Variants in XPNPEP3 observed in about 807,000 individuals in gnomAD.
XPNPEP3 encodes xaa-Pro aminopeptidase 3.
A neutral mutation model predicts 60.0 loss-of-function variants in XPNPEP3; 41 were observed. That is an observed-to-expected ratio of 0.68 (90% CI 0.53 to 0.89). The LOEUF is 0.89. Among genes scored for constraint, XPNPEP3 ranks in the 40% least tolerant of loss-of-function variants. XPNPEP3 has a pLI of 0.00. For missense variants in XPNPEP3, 598 were observed against 638.9 expected (o/e 0.94, Z 0.69); for synonymous variants, 212 against 223.2 (o/e 0.95, Z 0.45).
At chr22:40,859,762 G>A (rs2057930435) in intron 1 of XPNPEP3, 1 of 151,976 alleles carries the variant, frequency 6.6e-6, no homozygotes, top group South Asian at 2.1e-4. Flanking sequence ...TTTGTATTTG[G>A]CCAAAGTTGA....
intron 3 of XPNPEP3, 109 bp downstream of exon 3, chr22:40,882,286 AC>A: frequency 8.8e-7 from 1 of 1,136,176 alleles, no homozygotes; most frequent in Non-Finnish European, 1.3e-6. Context: ...CCATGAAAAG[AC>A]CATGAGCACC....
intron 5 of XPNPEP3, among the ~76,000 whole-genome samples, chr22:40,908,418 T>C (rs1209759576): frequency 6.6e-6 from 1 of 152,048 alleles, no homozygotes; most frequent in Non-Finnish European, 1.5e-5. Flanking sequence ...CTCTGGAGGT[T>C]GAGGTGGGTG....
chr22:40,868,492 G>A (rs2057989842), intron 1 of XPNPEP3, among the ~76,000 whole-genome samples: 1 of 151,940 alleles, frequency 6.6e-6, no homozygotes, highest in African/African-American at 2.4e-5. Context: ...ATGTCTCTGA[G>A]GGTAAAGATC....
chr22:40,878,830 T>G (rs557330039), intron 2 of XPNPEP3, among the ~76,000 whole-genome samples: 9 of 152,126 alleles, frequency 5.9e-5, no homozygotes, highest in Non-Finnish European at 1.0e-4. Context: ...TCAGGTGATC[T>G]GCCTGCCTCG....
intron 6 of XPNPEP3, 66 bp downstream of exon 6, chr22:40,909,301 C>G: frequency 8.6e-7 from 1 of 1,159,176 alleles, no homozygotes; most frequent in South Asian, 1.2e-5. Flanking sequence ...ACCTGCTAAC[C>G]TCATGTCCTC....
chr22:40,886,350 C>T lies in XPNPEP3; in HGVS notation c.627C>T (p.Pro209=). The change falls in exon 4 of 10, where the codon CCC becomes CCT. Residue 209 remains proline, a synonymous_variant. Transcript: ENST00000357137. ...TGGTTTGGTATGACTGGATGAGGCC[C>T]TCACATGCACAGCTTCACTCTGACT... ...TNMVWYDWMR[P]SHAQLHSDYM... is the part of the protein sequence containing the mutation. 6.2e-7 allele frequency: 1 copy of T among 1,614,136 alleles called. No individual in the cohort carries two copies. The highest frequency in any genetic ancestry group is 1.7e-4 in the Middle Eastern group (1 of 6,058).
At chr22:40,860,513 G>A in intron 1 of XPNPEP3, 1 of 609,988 alleles carries the variant, frequency 1.6e-6, no homozygotes, top group Non-Finnish European at 2.5e-6. Context: ...GAACCTGTGT[G>A]TCTTGATACA....
intron 4 of XPNPEP3, among the ~76,000 whole-genome samples, chr22:40,894,268 C>A (rs1027008063): frequency 6.6e-6 from 1 of 152,136 alleles, no homozygotes; most frequent in Non-Finnish European, 1.5e-5. Context: ...GAATATTATT[C>A]TCTTGCTTTA....
Position 40,857,160 on chromosome 22 carries a change from C to G in XPNPEP3, c.-22C>G. ...CCCCGTCGTTACCCTCTTTCTCTTCCCGACGCGTGAGTTAGGCCGTAATGC... is the reference window on the plus strand; with the variant it reads ...CCCCGTCGTTACCCTCTTTCTCTTCGCGACGCGTGAGTTAGGCCGTAATGC... On this transcript the variant is annotated 5_prime_UTR_variant, in exon 1 of 10. Transcript: ENST00000357137. The G allele has an allele frequency of 1.9e-6, 3 of 1,613,992 alleles. No individual in the cohort carries two copies. The highest frequency in any genetic ancestry group is 2.5e-6 in the Non-Finnish European group (3 of 1,179,948).
At chr22:40,924,535 T>A (rs972666899) in intron 9 of XPNPEP3, 53 bp downstream of exon 9, 187 of 1,608,808 alleles carry the variant, frequency 1.2e-4, no homozygotes, top group Non-Finnish European at 1.4e-4. Context: ...TTTGTTTGTT[T>A]GTTTTTGAGA....
At chr22:40,880,518 A>G (rs2058043229) in intron 2 of XPNPEP3, among the ~76,000 whole-genome samples, 1 of 150,634 alleles carries the variant, frequency 6.6e-6, no homozygotes, top group African/African-American at 2.4e-5. Context: ...AACCTGGGCA[A>G]GGTGTTGATG....
chr22:40,881,683 C>G (rs1205660378), intron 2 of XPNPEP3, 87 bp from the exon 3 acceptor site: 1 of 1,464,308 alleles, frequency 6.8e-7, no homozygotes, highest in Non-Finnish European at 9.5e-7. Flanking sequence ...AACAATTGGA[C>G]TTGAGTATTT....
chr22:40,909,022 A>T, intron 5 of XPNPEP3, 100 bp from the exon 6 acceptor site: 1 of 892,556 alleles, frequency 1.1e-6, no homozygotes, highest in Non-Finnish European at 1.9e-6. Flanking sequence ...GTAATGACTT[A>T]AGATAAGTAC....
At chr22:40,877,624 AG>A (rs1175029738) in intron 2 of XPNPEP3, among the ~76,000 whole-genome samples, 2 of 152,224 alleles carry the variant, frequency 1.3e-5, no homozygotes, top group African/African-American at 4.8e-5. Flanking sequence ...TCCAATATCT[AG>A]GCTTTCGATT....
chr22:40,878,439 A>G (rs2058035520), intron 2 of XPNPEP3, among the ~76,000 whole-genome samples: 1 of 152,132 alleles, frequency 6.6e-6, no homozygotes, highest in African/African-American at 2.4e-5. Context: ...TCCTGCTTTG[A>G]TTTCCAAATA....
chr22:40,905,246 A>AT (rs995074092), intron 4 of XPNPEP3, among the ~76,000 whole-genome samples: 3 of 151,472 alleles, frequency 2.0e-5, no homozygotes, highest in Admixed American at 2.0e-4. Flanking sequence ...CGCCCAGCTA[A>AT]TTTTTTTGTA....
rs577875822 is a variant in XPNPEP3, at chr22:40,887,241, C to T, written c.792+726C>T. Among the ~76,000 whole-genome samples, 97 of 152,094 alleles carry T rather than the reference C, an allele frequency of 6.4e-4. 1 individual carries two copies. Among genetic ancestry groups the T allele is most frequent in the Non-Finnish European group, 1.1e-3 (78 of 68,018 alleles). ...ATGAAAGTAAGGATATATATCACAG[C>T]CAATGGCTGTCTCAAAGCAAGGAGT... On this transcript the variant is annotated intron_variant, in intron 4 of 9. Transcript: ENST00000357137.
At chr22:40,914,368 T>C in intron 7 of XPNPEP3, 44 bp downstream of exon 7, 2 of 1,511,348 alleles carry the variant, frequency 1.3e-6, no homozygotes, top group Non-Finnish European at 1.8e-6. Flanking sequence ...TTCTTAGGAG[T>C]ATGAGTTGGA....
Position 40,924,342 on chromosome 22 carries a change from G to A in XPNPEP3, c.1237-20G>A. On this transcript the variant is annotated intron_variant, in intron 8 of 9. Coordinates refer to ENST00000357137, the MANE Select transcript of XPNPEP3 (RefSeq NM_022098.4). ...AAGAGGTCATTGCTCTAATGATACT[G>A]TGACAATTATCTTTTCCAGGCTGCT... The A allele has an allele frequency of 6.2e-7, 1 of 1,613,994 alleles. No individual in the cohort carries two copies. The highest frequency in any genetic ancestry group is 8.5e-7 in the Non-Finnish European group (1 of 1,179,946).
Sources: allele counts gnomAD v4.1 joint callset (sites outside exome capture counted in the v4.1 genomes callset), GRCh38; gene constraint gnomAD v4.1.1; transcripts MANE v1.5; gene names NCBI Gene and HGNC (gene_info 2026-07-23, HGNC 2026-07-21).